The following KLHL1 variants were observed in gnomAD, a reference collection of about 807,000 sequenced individuals.
KLHL1 encodes kelch-like protein 1.
Under a neutral mutation model 77.7 loss-of-function variants are expected in KLHL1, and 47 were observed. The ratio of observed to expected loss-of-function variants is 0.60; its 90% CI spans 0.48 to 0.77. The LOEUF is 0.77. Ranked by LOEUF, KLHL1 falls within the 30% of genes least tolerant of loss-of-function variation. The probability of loss-of-function intolerance (pLI) is 0.00; values close to 1 mark genes in which losing one functional copy is unlikely to be tolerated. For synonymous variants in KLHL1, 360 were observed against 325.2 expected (o/e 1.11, Z -1.15); for missense variants, 925 against 910.8 (o/e 1.02, Z -0.20).
chr13:70,016,793 A>G (rs1258735404), intron 1 of KLHL1, among the ~76,000 whole-genome samples: 1 of 152,120 alleles, frequency 6.6e-6, no homozygotes, highest in Non-Finnish European at 1.5e-5. Context: ...CCAGATTTTT[A>G]GTTCTGGGTA....
intron 2 of KLHL1, among the ~76,000 whole-genome samples, chr13:69,964,820 C>T (rs957626083): frequency 1.3e-5 from 2 of 151,996 alleles, no homozygotes; most frequent in South Asian, 2.1e-4. Context: ...TTACTTTTCT[C>T]CCTTTTCTAA....
At chr13:69,788,135 A>T (rs1438061324) in intron 7 of KLHL1, among the ~76,000 whole-genome samples, 1 of 152,256 alleles carries the variant, frequency 6.6e-6, no homozygotes, top group African/African-American at 2.4e-5. Flanking sequence ...TAGAAATACC[A>T]TTTGACCCAG....
chr13:69,934,962 GTATATATATATATATATATATATA>G, intron 4 of KLHL1, among the ~76,000 whole-genome samples: 1 of 129,800 alleles, frequency 7.7e-6, no homozygotes, highest in East Asian at 2.7e-4. Flanking sequence ...GTGTGCATGT[GTATATATATATATATATATATATA>G]TATGTATATA....
intron 4 of KLHL1, among the ~76,000 whole-genome samples, chr13:69,926,986 T>G (rs927753517): frequency 2.1e-5 from 3 of 140,386 alleles, no homozygotes; most frequent in Admixed American, 1.5e-4. Context: ...GAATTCACAC[T>G]TCCCAATTTC....
chr13:69,855,347 G>C (rs80247102), intron 5 of KLHL1, among the ~76,000 whole-genome samples: 2,063 of 68,164 alleles, frequency 0.03, 35 homozygotes, highest in African/African-American at 0.1. Context: ...TAGATAGATA[G>C]ACAGACAGAT....
chr13:70,079,002 C>T (rs904846494), intron 1 of KLHL1, among the ~76,000 whole-genome samples: 3 of 152,108 alleles, frequency 2.0e-5, no homozygotes, highest in Admixed American at 1.3e-4. Flanking sequence ...AGTTTTATTG[C>T]TAGCAGAGAA....
intron 2 of KLHL1, among the ~76,000 whole-genome samples, chr13:69,974,544 T>G (rs1048699043): frequency 6.6e-6 from 1 of 152,038 alleles, no homozygotes; most frequent in East Asian, 1.9e-4. Flanking sequence ...AATAAAAGAC[T>G]ACAAGATTGA....
intron 5 of KLHL1, among the ~76,000 whole-genome samples, chr13:69,846,139 C>T (rs1276851111): frequency 6.6e-6 from 1 of 151,464 alleles, no homozygotes; most frequent in Non-Finnish European, 1.5e-5. Context: ...ACGAATTAAA[C>T]ATTTCCAGTG....
chr13:69,918,277 C>A (rs1383073790), intron 4 of KLHL1, among the ~76,000 whole-genome samples: 1 of 151,606 alleles, frequency 6.6e-6, no homozygotes, highest in Non-Finnish European at 1.5e-5. Context: ...ACTATAGCTT[C>A]TTTAGTTTTT....
intron 1 of KLHL1, among the ~76,000 whole-genome samples, chr13:70,071,618 C>T (rs1471704326): frequency 1.3e-5 from 2 of 151,608 alleles, no homozygotes; most frequent in African/African-American, 4.9e-5. Flanking sequence ...AAAAATCAGA[C>T]ATCATGAAAA....
chr13:69,708,919 G>T (rs1292136951), intron 9 of KLHL1, among the ~76,000 whole-genome samples: 2 of 151,740 alleles, frequency 1.3e-5, no homozygotes, highest in African/African-American at 4.8e-5. Context: ...TTAACTCATA[G>T]ACTCCTAAAA....
chr13:69,789,871 GC>G (rs1876779876), intron 7 of KLHL1, among the ~76,000 whole-genome samples: 1 of 152,108 alleles, frequency 6.6e-6, no homozygotes, highest in African/African-American at 2.4e-5. Context: ...AAAGGTTGAA[GC>G]AACATTAAGT....
chr13:69,831,462 T>A (rs1425963396), intron 6 of KLHL1, among the ~76,000 whole-genome samples: 1 of 149,238 alleles, frequency 6.7e-6, no homozygotes, highest in Non-Finnish European at 1.5e-5. Flanking sequence ...TTAAAAAAAG[T>A]GTCAAGAAAA....
chr13:69,773,854 A>G (rs943161340), intron 7 of KLHL1, among the ~76,000 whole-genome samples: 6 of 143,390 alleles, frequency 4.2e-5, no homozygotes, highest in Non-Finnish European at 9.1e-5. Flanking sequence ...ACCCAGAGAA[A>G]GTCCTTGGCT....
chr13:70,036,161 C>T (rs1056928149), intron 1 of KLHL1, among the ~76,000 whole-genome samples: 2 of 151,708 alleles, frequency 1.3e-5, no homozygotes, highest in South Asian at 2.1e-4. Context: ...AATTGACTGT[C>T]AATAATGACA....
intron 1 of KLHL1, among the ~76,000 whole-genome samples, chr13:70,021,740 T>A (rs1302447905): frequency 2.0e-5 from 3 of 152,112 alleles, no homozygotes; most frequent in Non-Finnish European, 4.4e-5. Context: ...TCACATCAAG[T>A]GAAGCACCTT....
At chr13:70,069,080 A>C (rs567058947) in intron 1 of KLHL1, among the ~76,000 whole-genome samples, 4 of 152,314 alleles carry the variant, frequency 2.6e-5, no homozygotes, top group Admixed American at 2.6e-4. Flanking sequence ...ATTTTATCAA[A>C]ATCTAATTGA....
chr13:69,873,821 T>C (rs945127203), intron 5 of KLHL1, among the ~76,000 whole-genome samples: 14 of 152,310 alleles, frequency 9.2e-5, no homozygotes, highest in African/African-American at 3.4e-4. Flanking sequence ...TGTATTTGTT[T>C]ACTCAGTAAA....
chr13:70,051,277 C>A (rs914809119), intron 1 of KLHL1, among the ~76,000 whole-genome samples: 4 of 151,950 alleles, frequency 2.6e-5, no homozygotes, highest in Non-Finnish European at 5.9e-5. Flanking sequence ...AAAAACCTCA[C>A]AGGATGACCA....
Sources: gnomAD v4.1 joint callset for allele counts (sites outside exome capture counted in the v4.1 genomes callset) on GRCh38, gnomAD v4.1.1 for gene constraint, MANE v1.5 for transcripts, NCBI Gene and HGNC (gene_info 2026-07-23, HGNC 2026-07-21) for gene names.